The following PTCD2 variants were observed in gnomAD, a reference collection of about 807,000 sequenced individuals.
PTCD2 encodes the protein pentatricopeptide repeat-containing protein 2, mitochondrial.
A neutral mutation model predicts 42.6 loss-of-function variants in PTCD2; 31 were observed. The observed-to-expected ratio is 0.73, with a 90% CI of 0.55 to 0.98. PTCD2 has a LOEUF of 0.98. Ranked by LOEUF, PTCD2 falls within the 50% of genes least tolerant of loss-of-function variation. The pLI is 0.00. For synonymous variants in PTCD2, 183 were observed against 170.9 expected (o/e 1.07, Z -0.55); for missense variants, 476 against 454.8 (o/e 1.05, Z -0.42).
rs1339450780 is a variant in PTCD2, at chr5:72,367,054, T to C, written c.*8627T>C. 1.3e-5 allele frequency: 2 copies of C among 152,244 alleles called. No individual in the cohort carries two copies. Among genetic ancestry groups the C allele is most frequent in the East Asian group, 3.8e-4 (2 of 5,204 alleles). 9.4% of individuals were successfully genotyped at this position (152,244 alleles called of 1,614,324 possible). On this transcript the variant is annotated 3_prime_UTR_variant, in exon 10 of 10. Coordinates refer to ENST00000380639, the MANE Select transcript of PTCD2 (RefSeq NM_024754.5). ...ATCTTGGTTATTTTGATTGTCTCTC[T>C]ACCCTTCCAGATTCATCAAATGATA...
intron 9 of PTCD2, among the ~76,000 whole-genome samples, chr5:72,357,039 C>A (rs541115912): frequency 6.6e-6 from 1 of 152,256 alleles, no homozygotes; most frequent in East Asian, 1.9e-4. Flanking sequence ...TCTAGTTCAC[C>A]CATTTTGGGG....
intron 8 of PTCD2, 55 bp downstream of exon 8, chr5:72,343,091 T>C: frequency 2.2e-6 from 2 of 916,314 alleles, no homozygotes; most frequent in Non-Finnish European, 3.1e-6. Flanking sequence ...ATAATAAATG[T>C]ATTATAATAA....
At position 72,358,594 on chromosome 5, in the gene PTCD2, T is replaced by C. The variant is rs1380846665; in HGVS notation, c.*167T>C. ...TACCATGCCGATCTCTGAGAAGTTATGTTGCACCACTGTGAAGGTCTAGAT... is the reference window on the plus strand; with the variant it reads ...TACCATGCCGATCTCTGAGAAGTTACGTTGCACCACTGTGAAGGTCTAGAT... On this transcript the variant is annotated 3_prime_UTR_variant, in exon 10 of 10. Transcript: ENST00000380639. 8.1e-6 allele frequency: 5 copies of C among 616,628 alleles called. No homozygotes were observed. The highest frequency in any genetic ancestry group is 1.4e-5 in the Non-Finnish European group (5 of 347,560). 38.2% of individuals were successfully genotyped at this position (616,628 alleles called of 1,614,324 possible).
chr5:72,337,624 T>G (rs1289388329), intron 6 of PTCD2, among the ~76,000 whole-genome samples: 1 of 152,026 alleles, frequency 6.6e-6, no homozygotes, highest in Non-Finnish European at 1.5e-5. Context: ...GGTGAAACCC[T>G]GTCTCTACTA....
chr5:72,343,924 T>C (rs959179352), intron 8 of PTCD2, among the ~76,000 whole-genome samples: 1 of 152,114 alleles, frequency 6.6e-6, no homozygotes. Flanking sequence ...TTTCAGGAGC[T>C]TATAGTCTCC....
At chr5:72,333,003 G>A (rs954233183) in intron 4 of PTCD2, among the ~76,000 whole-genome samples, 3 of 152,108 alleles carry the variant, frequency 2.0e-5, no homozygotes, top group African/African-American at 7.2e-5. Context: ...TTTTAAATGA[G>A]GCTAATTGAA....
At chr5:72,326,966 A>C (rs1290833038) in intron 3 of PTCD2, among the ~76,000 whole-genome samples, 1 of 152,202 alleles carries the variant, frequency 6.6e-6, no homozygotes, top group Admixed American at 6.5e-5. Flanking sequence ...AGAAAAGCAG[A>C]TATTTTATGT....
chr5:72,324,165 G>T (rs1580137592), intron 2 of PTCD2, among the ~76,000 whole-genome samples: 1 of 152,272 alleles, frequency 6.6e-6, no homozygotes, highest in East Asian at 1.9e-4. Flanking sequence ...TGCAGTTAGG[G>T]CTTCATGTCA....
At position 72,362,850 on chromosome 5, in the gene PTCD2, G is replaced by A. The variant is rs1243502841; in HGVS notation, c.*4423G>A. The A allele has an allele frequency of 6.6e-6, 1 of 152,180 alleles. No individual in the cohort carries two copies. Among genetic ancestry groups the A allele is most frequent in the African/African-American group, 2.4e-5 (1 of 41,438 alleles). 9.4% of individuals were successfully genotyped at this position (152,180 alleles called of 1,614,324 possible). On this transcript the variant is annotated 3_prime_UTR_variant, in exon 10 of 10. Coordinates refer to ENST00000380639, the MANE Select transcript of PTCD2 (RefSeq NM_024754.5). ...CAGGGATCTTTTTGTTTCTGTAGGA[G>A]GTGCTCATTACAGAGTGGCCAAATT... is the stretch of plus-strand genomic sequence containing the variant.
intron 8 of PTCD2, among the ~76,000 whole-genome samples, chr5:72,346,124 A>G (rs866625002): frequency 6.6e-6 from 1 of 152,232 alleles, no homozygotes; most frequent in South Asian, 2.1e-4. Context: ...ATGCTTTTAC[A>G]TGAGAGAAAG....
chr5:72,359,503 C>G lies in PTCD2; in HGVS notation c.*1076C>G, dbSNP rs893298412. ...TTCATTGCCACCTCCAAAACTAAGA[C>G]TGTTCACTTGGTTGTTGTTCTAAGG... On this transcript the variant is annotated 3_prime_UTR_variant, in exon 10 of 10. Coordinates refer to ENST00000380639, the MANE Select transcript of PTCD2 (RefSeq NM_024754.5). 1 of 152,214 alleles carries G rather than the reference C, an allele frequency of 6.6e-6. No individual in the cohort carries two copies. Among genetic ancestry groups the G allele is most frequent in the African/African-American group, 2.4e-5 (1 of 41,450 alleles). 9.4% of individuals were successfully genotyped at this position (152,214 alleles called of 1,614,324 possible).
chr5:72,336,641 G>T (rs1751755563), intron 6 of PTCD2, among the ~76,000 whole-genome samples: 1 of 151,172 alleles, frequency 6.6e-6, no homozygotes, highest in African/African-American at 2.4e-5. Flanking sequence ...AACCCAGGAG[G>T]CAGAGGTTGC....
intron 3 of PTCD2, among the ~76,000 whole-genome samples, chr5:72,331,052 A>C (rs772888268): frequency 6.6e-6 from 1 of 152,094 alleles, no homozygotes; most frequent in Non-Finnish European, 1.5e-5. Flanking sequence ...TCTGCTGTAA[A>C]TTCTGTTTAC....
chr5:72,353,164 G>A (rs1752703407), intron 9 of PTCD2, among the ~76,000 whole-genome samples: 2 of 152,116 alleles, frequency 1.3e-5, no homozygotes, highest in African/African-American at 4.8e-5. Flanking sequence ...GCTACATAGA[G>A]AGCCTCTGGC....
Position 72,358,412 on chromosome 5 carries a change from C to A in PTCD2, c.1152C>A (p.Ser384=). The change falls in exon 10 of 10, where the codon TCC becomes TCA. Residue 384 remains serine, a synonymous_variant. Coordinates refer to ENST00000380639, the MANE Select transcript of PTCD2 (RefSeq NM_024754.5). The part of the protein sequence containing the change: ...SRRTFQPLSQ[S]LLAE ...GCACCTTCCAGCCACTCAGCCAGTC[C>A]CTGTTGGCTGAGTAACCCTGGTTTC... is the stretch of plus-strand genomic sequence containing the variant. The A allele has an allele frequency of 1.2e-6, 2 of 1,612,282 alleles. No homozygotes were observed. The highest frequency in any genetic ancestry group is 1.7e-6 in the Non-Finnish European group (2 of 1,178,908).
intron 7 of PTCD2, among the ~76,000 whole-genome samples, chr5:72,339,287 G>A (rs1027518404): frequency 1.3e-5 from 2 of 152,142 alleles, no homozygotes; most frequent in South Asian, 2.1e-4. Context: ...CTGAAACCCT[G>A]GAACACCATC....
In PTCD2 at chr5:72,340,136, A is replaced by G. The variant is rs550025858; in HGVS notation, c.753+1401A>G. 4.6e-5 allele frequency among the ~76,000 whole-genome samples: 7 copies of G among 152,164 alleles called. No individual in the cohort carries two copies. In the East Asian group the frequency reaches 1.3e-3, roughly 29 times the overall value. On this transcript the variant is annotated intron_variant, in intron 7 of 9. Transcript: ENST00000380639. ...ATAACTTTTTCTACTCTCTTATGCC[A>G]TGTGGTTATTTTCTCTAGTTGGTAT...
rs1363218367 is a variant in PTCD2 at position 72,365,573 on chromosome 5, A to G, written c.*7146A>G. The stretch of plus-strand genomic sequence containing the variant: ...GTAACAGAATCTGCTGATGTATTCT[A>G]CCGCATCCCAGGGAGACTCATGTAG... On this transcript the variant is annotated 3_prime_UTR_variant, in exon 10 of 10. Coordinates refer to ENST00000380639, the MANE Select transcript of PTCD2 (RefSeq NM_024754.5). 6.6e-6 allele frequency: 1 copy of G among 152,202 alleles called. No homozygotes were observed. Among genetic ancestry groups the G allele is most frequent in the Non-Finnish European group, 1.5e-5 (1 of 68,036 alleles). 9.4% of individuals were successfully genotyped at this position (152,202 alleles called of 1,614,324 possible).
intron 3 of PTCD2, among the ~76,000 whole-genome samples, chr5:72,327,634 G>A (rs1271816223): frequency 6.6e-6 from 1 of 151,852 alleles, no homozygotes; most frequent in African/African-American, 2.4e-5. Flanking sequence ...CACCACACCC[G>A]GCTAATTTTT....
Sources: allele counts gnomAD v4.1 joint callset (sites outside exome capture counted in the v4.1 genomes callset), GRCh38; gene constraint gnomAD v4.1.1; transcripts MANE v1.5; gene names NCBI Gene and HGNC (gene_info 2026-07-23, HGNC 2026-07-21).